SLC30A9: variants seen among roughly 807,000 people sequenced by gnomAD.
The protein encoded by SLC30A9 is proton-coupled zinc antiporter SLC30A9, mitochondrial.
SLC30A9 carries 58 observed loss-of-function variants against 87.5 expected under a neutral mutation model. That is an observed-to-expected ratio of 0.66 (90% CI 0.54 to 0.82). The LOEUF is 0.82. SLC30A9 is among the 40% of genes least tolerant of loss of function. SLC30A9 has a pLI of 0.00. For synonymous variants in SLC30A9, 234 were observed against 233.0 expected (o/e 1.00, Z -0.04); for missense variants, 557 against 679.1 (o/e 0.82, Z 2.00).
intron 16 of SLC30A9, 142 bp from the exon 17 acceptor site, chr4:42,078,070 T>A: frequency 1.9e-6 from 1 of 531,922 alleles, no homozygotes; most frequent in Non-Finnish European, 3.3e-6. Flanking sequence ...AAATAGGTAA[T>A]CCATTGCCTG....
chr4:42,049,297 G>A, intron 8 of SLC30A9, 80 bp from the exon 9 acceptor site: 1 of 770,504 alleles, frequency 1.3e-6, no homozygotes, highest in East Asian at 2.5e-5. Context: ...CTAGTGTAGA[G>A]ATATACAGCT....
At chr4:42,008,751 G>A (rs573378398) in intron 2 of SLC30A9, among the ~76,000 whole-genome samples, 48 of 152,320 alleles carry the variant, frequency 3.2e-4, no homozygotes, top group African/African-American at 1.2e-3. Context: ...TTTTCCTTTA[G>A]TTAGATGTCT....
chr4:42,080,071 G>C (rs1718698506), intron 17 of SLC30A9, among the ~76,000 whole-genome samples: 1 of 152,214 alleles, frequency 6.6e-6, no homozygotes, highest in African/African-American at 2.4e-5. Flanking sequence ...TGATTTGATT[G>C]TTTGGCCGAA....
At chr4:41,992,091 A>G (rs1344725829) in intron 1 of SLC30A9, among the ~76,000 whole-genome samples, 4 of 152,122 alleles carry the variant, frequency 2.6e-5, no homozygotes, top group African/African-American at 9.7e-5. Flanking sequence ...CCTCAGGAAG[A>G]TTGTAAACCT....
chr4:42,023,198 C>A, intron 5 of SLC30A9, 104 bp from the exon 6 acceptor site: 1 of 846,698 alleles, frequency 1.2e-6, no homozygotes, highest in South Asian at 1.6e-5. Context: ...CCAAAAGCAC[C>A]TTACACTTTG....
intron 14 of SLC30A9, among the ~76,000 whole-genome samples, chr4:42,069,005 T>C (rs752478364): frequency 3.3e-5 from 5 of 152,236 alleles, no homozygotes; most frequent in South Asian, 2.1e-4. Flanking sequence ...GTCTGAAATA[T>C]GAATACTTCT....
At chr4:42,007,647 C>T (rs541216823) in intron 2 of SLC30A9, among the ~76,000 whole-genome samples, 72 of 152,126 alleles carry the variant, frequency 4.7e-4, no homozygotes, top group Non-Finnish European at 8.7e-4. Flanking sequence ...GTCCCAGCTA[C>T]TCGGGAGGCT....
At chr4:42,040,911 C>T (rs11935720) in intron 8 of SLC30A9, among the ~76,000 whole-genome samples, 3,604 of 151,918 alleles carry the variant, frequency 0.024, 151 homozygotes, top group African/African-American at 0.082. Context: ...TCCATTTTCA[C>T]GCTGCTGATA....
intron 17 of SLC30A9, among the ~76,000 whole-genome samples, chr4:42,081,077 T>A (rs1388650111): frequency 6.6e-6 from 1 of 152,246 alleles, no homozygotes; most frequent in Non-Finnish European, 1.5e-5. Flanking sequence ...TTTTAGGAGA[T>A]GCCTGCCAAA....
rs1560547236 is a variant in SLC30A9 at position 42,039,061 on chromosome 4, CT to C, written c.737+9del. 2 of 1,592,184 alleles carry C rather than the reference CT, an allele frequency of 1.3e-6. No individual in the cohort carries two copies. The highest frequency in any genetic ancestry group is 1.7e-6 in the Non-Finnish European group (2 of 1,160,556). On this transcript the variant is annotated intron_variant, in intron 8 of 17. Coordinates refer to ENST00000264451, the MANE Select transcript of SLC30A9 (RefSeq NM_006345.4). ...GATGGTTGCAATTTGCATGTAAGTA[CT>C]GAAAAATAAGCTTTGTGAAATAGAA... is the stretch of plus-strand genomic sequence containing the variant.
intron 1 of SLC30A9, 127 bp downstream of exon 1, chr4:41,990,887 CTCCGCCTT>C: frequency 1.4e-6 from 1 of 692,986 alleles, no homozygotes; most frequent in South Asian, 1.6e-5. Flanking sequence ...CCTTTCTGGC[CTCCGCCTT>C]TCCAGTTCAG....
At chr4:42,025,960 G>T (rs1476631242) in intron 6 of SLC30A9, among the ~76,000 whole-genome samples, 1 of 151,232 alleles carries the variant, frequency 6.6e-6, no homozygotes, top group Non-Finnish European at 1.5e-5. Flanking sequence ...GCGATTATCT[G>T]TTTTTTTTTA....
chr4:42,041,406 C>T (rs1294475421), intron 8 of SLC30A9, among the ~76,000 whole-genome samples: 1 of 152,160 alleles, frequency 6.6e-6, no homozygotes, highest in African/African-American at 2.4e-5. Context: ...TTGCCTCAGC[C>T]TCCTGAGTAG....
rs185030452 is a variant in SLC30A9 at position 42,060,120 on chromosome 4, A to G, written c.841-71A>G. ...TTGTCATTGTTAGCCTGCACCCTCC[A>G]CATTGGCTTTACCATATTATACTCT... On this transcript the variant is annotated intron_variant, in intron 9 of 17. Coordinates refer to ENST00000264451, the MANE Select transcript of SLC30A9 (RefSeq NM_006345.4). The G allele has an allele frequency of 2.2e-5, 25 of 1,156,042 alleles. No homozygotes were observed. In the African/African-American group the frequency reaches 3.3e-4, roughly 15 times the overall value. The allele number at this position is 1,156,042 out of a possible 1,614,324, so 71.6% of individuals were successfully genotyped here. A position where few individuals can be genotyped will look rare whatever the true frequency, so the allele number is the denominator to read the frequency against.
At position 42,074,778 on chromosome 4, in the gene SLC30A9, A is replaced by G. The variant is rs143670998; in HGVS notation, c.1419-879A>G. Among the ~76,000 whole-genome samples the G allele has an allele frequency of 9.0e-3, 1,373 of 152,036 alleles. 21 individuals are homozygous for G. The highest frequency in any genetic ancestry group is 0.032 in the African/African-American group (1,319 of 41,486). On this transcript the variant is annotated intron_variant, in intron 15 of 17. Transcript: ENST00000264451. ...CATTTTATATATGTATTAGCTCATT[A>G]TTCCTCACATCAAGTCCCATGTGGC... is the stretch of plus-strand genomic sequence containing the variant.
At chr4:42,044,158 GC>G (rs1655500087) in intron 8 of SLC30A9, among the ~76,000 whole-genome samples, 1 of 152,054 alleles carries the variant, frequency 6.6e-6, no homozygotes, top group Non-Finnish European at 1.5e-5. Flanking sequence ...CAACTAATGA[GC>G]AAAATAACCA....
In SLC30A9 at chr4:41,990,690, T is replaced by G; in HGVS notation, c.39T>G (p.Cys13Trp). 1 of 1,611,928 alleles carries G rather than the reference T, an allele frequency of 6.2e-7. No homozygotes were observed. The highest frequency in any genetic ancestry group is 8.5e-7 in the Non-Finnish European group (1 of 1,179,014). Reference protein sequence around the residue: ...PGLAAAAAHRCSWSSLCRLRL... With the variant: ...PGLAAAAAHRWSWSSLCRLRL... ...TGGCCGCCGCCGCGGCCCACAGATGTAGCTGGTCCTCCCTGTGCCGGCTCC... is the reference window on the plus strand; with the variant it reads ...TGGCCGCCGCCGCGGCCCACAGATGGAGCTGGTCCTCCCTGTGCCGGCTCC... The change falls in exon 1 of 18, where the codon TGT (cysteine) becomes TGG (tryptophan). Residue 13 changes from cysteine (C) to tryptophan (W), a missense_variant. Physicochemically the swap from Cys to Trp is radical, Grantham distance 215. Transcript: ENST00000264451.
intron 2 of SLC30A9, among the ~76,000 whole-genome samples, chr4:42,006,736 AAGG>A (rs1304554511): frequency 6.6e-6 from 1 of 151,746 alleles, no homozygotes; most frequent in Non-Finnish European, 1.5e-5. Context: ...ATGGTGGAAA[AAGG>A]AGGTAAAATT....
chr4:42,067,172 TGG>T lies in SLC30A9; in HGVS notation c.1234_1235del (p.Gly412ProfsTer11), dbSNP rs761429458. ...GGAGTTATAATAGCAGCCACTTGCA[TGG>T]GCCTTACTTCTATAACAGGTAAATA... On this transcript the variant is annotated frameshift_variant, in exon 14 of 18. Coordinates refer to ENST00000264451, the MANE Select transcript of SLC30A9 (RefSeq NM_006345.4). LOFTEE classifies it high-confidence loss of function. The T allele has an allele frequency of 6.3e-7, 1 of 1,598,486 alleles. No individual in the cohort carries two copies. The highest frequency in any genetic ancestry group is 8.6e-7 in the Non-Finnish European group (1 of 1,166,150).
Sources: allele counts gnomAD v4.1 joint callset (sites outside exome capture counted in the v4.1 genomes callset), GRCh38; gene constraint gnomAD v4.1.1; transcripts MANE v1.5; gene names NCBI Gene and HGNC (gene_info 2026-07-23, HGNC 2026-07-21).